Variants in ASRGL1 observed in about 807,000 individuals in gnomAD.
ASRGL1 encodes isoaspartyl peptidase/L-asparaginase.
Under a neutral mutation model 22.4 loss-of-function variants are expected in ASRGL1, and 16 were observed. That is an observed-to-expected ratio of 0.71 (90% CI 0.48 to 1.08). ASRGL1 has a LOEUF of 1.08. Among genes scored for constraint, ASRGL1 ranks in the 50% least tolerant of loss-of-function variants. The pLI is 0.00. For synonymous variants in ASRGL1, 165 were observed against 159.3 expected (o/e 1.04, Z -0.27); for missense variants, 412 against 410.1 (o/e 1.00, Z -0.04).
At position 62,357,153 on chromosome 11, in the gene ASRGL1, T is replaced by C; in HGVS notation, c.491+9T>C. The C allele has an allele frequency of 6.2e-7, 1 of 1,610,254 alleles. No homozygotes were observed. Among genetic ancestry groups the C allele is most frequent in the South Asian group, 1.1e-5 (1 of 90,754 alleles). Reference sequence around the variant, plus strand: ...AAAACAGATTGTCAAAAGTAAGTCTTACCTGTGGCTCGCATTATTTGGGAG... The same window carrying C: ...AAAACAGATTGTCAAAAGTAAGTCTCACCTGTGGCTCGCATTATTTGGGAG... On this transcript the variant is annotated intron_variant, in intron 4 of 6. Coordinates refer to ENST00000415229, the MANE Select transcript of ASRGL1 (RefSeq NM_001083926.2).
chr11:62,356,677 T>G (rs987270954), intron 3 of ASRGL1, among the ~76,000 whole-genome samples: 3 of 152,258 alleles, frequency 2.0e-5, no homozygotes, highest in Non-Finnish European at 4.4e-5. Flanking sequence ...TTCCTGTATT[T>G]TCTTCACACC....
At chr11:62,387,735 A>G (rs1273818119) in intron 4 of ASRGL1, among the ~76,000 whole-genome samples, 1 of 151,770 alleles carries the variant, frequency 6.6e-6, no homozygotes, top group Non-Finnish European at 1.5e-5. Context: ...TGTTTTTGTC[A>G]CCTGACATAT....
intron 4 of ASRGL1, chr11:62,371,937 G>C (rs766132438): frequency 1.0e-4 from 60 of 577,460 alleles, no homozygotes; most frequent in Non-Finnish European, 1.6e-4. Context: ...CTGGGCAACA[G>C]AGCAAGACTC....
At chr11:62,358,371 G>GA (rs34743439) in intron 4 of ASRGL1, among the ~76,000 whole-genome samples, 65,809 of 111,640 alleles carry the variant, frequency 0.59, 19,898 homozygotes, top group East Asian at 0.71. Context: ...CTCCGTCTCA[G>GA]AAAAAAAAAA....
chr11:62,369,488 C>A (rs1229851806), intron 4 of ASRGL1, among the ~76,000 whole-genome samples: 26 of 152,144 alleles, frequency 1.7e-4, no homozygotes, highest in Admixed American at 1.7e-3. Context: ...CCATCATCAT[C>A]ATGGCTCGTT....
At chr11:62,368,873 C>G (rs1946684831) in intron 4 of ASRGL1, among the ~76,000 whole-genome samples, 1 of 152,186 alleles carries the variant, frequency 6.6e-6, no homozygotes, top group Non-Finnish European at 1.5e-5. Flanking sequence ...AGCTCTAGCC[C>G]TAAGGCTGTT....
intron 4 of ASRGL1, chr11:62,372,809 A>G: frequency 6.3e-7 from 1 of 1,593,808 alleles, no homozygotes; most frequent in South Asian, 1.1e-5. Flanking sequence ...CCGTCAGTGA[A>G]GTGGGTGGTC....
intron 4 of ASRGL1, chr11:62,371,127 C>A (rs1012376059): frequency 7.2e-6 from 7 of 978,374 alleles, no homozygotes; most frequent in African/African-American, 6.9e-5. Context: ...TCCAACCAGC[C>A]GCAACCATGC....
intron 2 of ASRGL1, among the ~76,000 whole-genome samples, chr11:62,349,412 G>A (rs1946115971): frequency 6.6e-6 from 1 of 152,216 alleles, no homozygotes; most frequent in African/African-American, 2.4e-5. Context: ...GGGGTGGTAT[G>A]TTAGCTCAGA....
At chr11:62,389,806 A>C (rs117457991) in intron 5 of ASRGL1, 2,395 of 181,920 alleles carry the variant, frequency 0.013, 26 homozygotes, top group Non-Finnish European at 0.021. Flanking sequence ...CTCCGTGCAG[A>C]CTTTCACACT....
intron 4 of ASRGL1, among the ~76,000 whole-genome samples, chr11:62,376,036 A>G (rs1181320539): frequency 7.6e-6 from 1 of 131,632 alleles, no homozygotes; most frequent in Non-Finnish European, 1.5e-5. Flanking sequence ...TGGGAAGTGG[A>G]GGTTGCCATG....
At chr11:62,376,186 T>C (rs1434119931) in intron 4 of ASRGL1, among the ~76,000 whole-genome samples, 3 of 151,698 alleles carry the variant, frequency 2.0e-5, no homozygotes, top group Admixed American at 2.0e-4. Flanking sequence ...GCTTTTTTTT[T>C]TTTTTAGCTA....
intron 2 of ASRGL1, among the ~76,000 whole-genome samples, chr11:62,351,376 C>G (rs968171480): frequency 1.3e-5 from 2 of 152,046 alleles, no homozygotes; most frequent in Non-Finnish European, 2.9e-5. Flanking sequence ...CTGGCTGAGC[C>G]TGGTGGCTCA....
At chr11:62,368,193 C>A (rs1427886331) in intron 4 of ASRGL1, among the ~76,000 whole-genome samples, 7 of 152,108 alleles carry the variant, frequency 4.6e-5, no homozygotes, top group Non-Finnish European at 8.8e-5. Context: ...TATTGTTAAT[C>A]TCTTACTGTG....
intron 2 of ASRGL1, among the ~76,000 whole-genome samples, chr11:62,350,922 CTGTT>C (rs1335908325): frequency 1.3e-5 from 2 of 152,078 alleles, no homozygotes; most frequent in Non-Finnish European, 2.9e-5. Context: ...GTCTAGTGTT[CTGTT>C]TGTTATTTTT....
intron 4 of ASRGL1, among the ~76,000 whole-genome samples, chr11:62,386,217 T>C (rs1947196997): frequency 6.6e-6 from 1 of 152,054 alleles, no homozygotes; most frequent in African/African-American, 2.4e-5. Context: ...GGCAGGTGGA[T>C]TACTTGAGGT....
At chr11:62,362,551 A>AT (rs1946471606) in intron 4 of ASRGL1, among the ~76,000 whole-genome samples, 1 of 12,498 alleles carries the variant, frequency 8.0e-5, no homozygotes, top group Non-Finnish European at 1.7e-4. Context: ...AAAATATATA[A>AT]CATATATTAT....
chr11:62,378,693 T>C (rs559378370), intron 4 of ASRGL1, among the ~76,000 whole-genome samples: 44 of 152,308 alleles, frequency 2.9e-4, no homozygotes, highest in African/African-American at 1.0e-3. Flanking sequence ...CGGATTTTTT[T>C]TGAATTACAA....
At chr11:62,365,533 A>G (rs1565164236) in intron 4 of ASRGL1, among the ~76,000 whole-genome samples, 2 of 151,870 alleles carry the variant, frequency 1.3e-5, no homozygotes, top group Non-Finnish European at 2.9e-5. Context: ...CAGCCTGGGC[A>G]ACAGTGCAAG....
Sources: gnomAD v4.1 joint callset for allele counts (sites outside exome capture counted in the v4.1 genomes callset) on GRCh38, gnomAD v4.1.1 for gene constraint, MANE v1.5 for transcripts, NCBI Gene and HGNC (gene_info 2026-07-23, HGNC 2026-07-21) for gene names.